The following MCM5 variants were observed in gnomAD, a reference collection of about 807,000 sequenced individuals.
MCM5 encodes DNA replication licensing factor MCM5.
In MCM5, 46 loss-of-function variants were observed where a neutral mutation model predicts 79.9. That is an observed-to-expected ratio of 0.58 (90% CI 0.45 to 0.74). The LOEUF (loss-of-function observed/expected upper bound fraction) is 0.74, where lower values mean the gene tolerates loss of function less well. MCM5 is among the 30% of genes least tolerant of loss of function. The probability of loss-of-function intolerance (pLI) is 0.00; values close to 1 mark genes in which losing one functional copy is unlikely to be tolerated. For missense variants in MCM5, 883 were observed against 1,017.0 expected (o/e 0.87, Z 1.79); for synonymous variants, 404 against 390.5 (o/e 1.03, Z -0.41).
chr22:35,450,651 C>T, the MCM5 span, among the ~76,000 whole-genome samples: 2 of 152,178 alleles, frequency 1.3e-5, no homozygotes, highest in Non-Finnish European at 2.9e-5. Flanking sequence ...GGAGGAGCAT[C>T]GAATGAGAAG....
chr22:35,411,345 A>C (rs1932379465), intron 7 of MCM5: 1 of 156,686 alleles, frequency 6.4e-6, no homozygotes, highest in Non-Finnish European at 1.4e-5. Context: ...GTGCTAAAGG[A>C]GGTCTGAGAA....
At chr22:35,453,819 T>TATATATATATATAGAG in the MCM5 span, among the ~76,000 whole-genome samples, 11 of 81,548 alleles carry the variant, frequency 1.3e-4, no homozygotes, top group African/African-American at 3.6e-4. Context: ...TATATATATA[T>TATATATATATATAGAG]AGAGAGAGAG....
the MCM5 span, among the ~76,000 whole-genome samples, chr22:35,431,055 G>A: frequency 2.0e-5 from 3 of 152,176 alleles, no homozygotes; most frequent in Non-Finnish European, 4.4e-5. Context: ...CTGGCCTGCA[G>A]GGCCAGCTCT....
chr22:35,429,067 C>T (rs1932796563), downstream of MCM5, among the ~76,000 whole-genome samples: 1 of 136,360 alleles, frequency 7.3e-6, no homozygotes, highest in Non-Finnish European at 1.5e-5. Flanking sequence ...CTCCCTGCAA[C>T]CTCCGCCTCC....
the MCM5 span, among the ~76,000 whole-genome samples, chr22:35,444,722 A>G: frequency 1.3e-5 from 2 of 152,226 alleles, no homozygotes; most frequent in African/African-American, 4.8e-5. Flanking sequence ...ATCATCCAAA[A>G]TGAGGCAGAG....
downstream of MCM5, among the ~76,000 whole-genome samples, chr22:35,426,978 C>G (rs1481763276): frequency 2.0e-5 from 3 of 152,240 alleles, no homozygotes; most frequent in Non-Finnish European, 4.4e-5. Flanking sequence ...CCTGGTTTCT[C>G]TCTCTGTTCA....
At chr22:35,411,329 A>G (rs1932378729) in intron 7 of MCM5, 1 of 160,710 alleles carries the variant, frequency 6.2e-6, no homozygotes, top group South Asian at 1.6e-4. Context: ...ACGCAGTTCC[A>G]AGGAGGTGCT....
intron 5 of MCM5, among the ~76,000 whole-genome samples, chr22:35,407,569 A>AC (rs1186437423): frequency 2.6e-5 from 4 of 151,390 alleles, no homozygotes; most frequent in Non-Finnish European, 5.9e-5. Context: ...TACACTGACT[A>AC]CCCCCAGTCT....
intron 16 of MCM5, chr22:35,423,747 C>A: frequency 4.8e-6 from 1 of 209,604 alleles, no homozygotes; most frequent in Non-Finnish European, 9.4e-6. Context: ...ATGGGATTTC[C>A]CAGATGCTCT....
At chr22:35,423,093 C>T in intron 15 of MCM5, 121 bp from the exon 16 acceptor site, 1 of 1,152,364 alleles carries the variant, frequency 8.7e-7, no homozygotes, top group Non-Finnish European at 1.2e-6. Context: ...ACTCGGTGCC[C>T]TTTTCTGACT....
intron 8 of MCM5, among the ~76,000 whole-genome samples, chr22:35,413,601 T>C (rs187494380): frequency 3.9e-5 from 6 of 152,248 alleles, no homozygotes; most frequent in Admixed American, 1.3e-4. Context: ...AGATGCTGGG[T>C]GTACCCGAGC....
chr22:35,450,694 C>G, the MCM5 span, among the ~76,000 whole-genome samples: 1 of 152,218 alleles, frequency 6.6e-6, no homozygotes, highest in African/African-American at 2.4e-5. Context: ...CACGGCAACA[C>G]GTTGACACTG....
At chr22:35,419,377 C>CG (rs1932634064) in intron 13 of MCM5, among the ~76,000 whole-genome samples, 1 of 152,156 alleles carries the variant, frequency 6.6e-6, no homozygotes, top group African/African-American at 2.4e-5. Flanking sequence ...CCACACCTAC[C>CG]GTCCCAGGAG....
At chr22:35,439,493 A>T in the MCM5 span, among the ~76,000 whole-genome samples, 1 of 143,876 alleles carries the variant, frequency 7.0e-6, no homozygotes, top group African/African-American at 2.6e-5. Flanking sequence ...CCATCCATCC[A>T]CCCGCCCACA....
chr22:35,451,404 C>T, the MCM5 span, among the ~76,000 whole-genome samples: 1 of 152,260 alleles, frequency 6.6e-6, no homozygotes, highest in Non-Finnish European at 1.5e-5. Flanking sequence ...CCAGGCGGCT[C>T]TGCCAACGCA....
At chr22:35,410,672 G>T in intron 6 of MCM5, 72 bp from the exon 7 acceptor site, 3 of 1,448,520 alleles carry the variant, frequency 2.1e-6, no homozygotes, top group Non-Finnish European at 2.9e-6. Flanking sequence ...TCCTGGGCAT[G>T]GGTGGAATCA....
intron 9 of MCM5, among the ~76,000 whole-genome samples, chr22:35,414,483 G>A (rs1234987673): frequency 1.3e-5 from 2 of 151,992 alleles, no homozygotes; most frequent in Admixed American, 6.6e-5. Context: ...CTAGCCAGGC[G>A]TGATATGCAC....
intron 13 of MCM5, 104 bp from the exon 14 acceptor site, chr22:35,419,780 G>A (rs1932645644): frequency 1.7e-5 from 21 of 1,229,080 alleles, no homozygotes; most frequent in Non-Finnish European, 2.1e-5. Flanking sequence ...CTGTGGTGTG[G>A]TGGGAAAGTG....
chr22:35,454,590 A>G, the MCM5 span, among the ~76,000 whole-genome samples: 1 of 152,198 alleles, frequency 6.6e-6, no homozygotes, highest in Non-Finnish European at 1.5e-5. Flanking sequence ...AGCAGACGGC[A>G]GAGTCCCGTG....
Sources: allele counts gnomAD v4.1 joint callset (sites outside exome capture counted in the v4.1 genomes callset), GRCh38; gene constraint gnomAD v4.1.1; transcripts MANE v1.5; gene names NCBI Gene and HGNC (gene_info 2026-07-23, HGNC 2026-07-21).